PSD3: variants seen among roughly 807,000 people sequenced by gnomAD.
The protein encoded by PSD3 is pleckstrin and Sec7 domain containing 3.
PSD3 carries 49 observed loss-of-function variants against 105.5 expected under a neutral mutation model. The ratio of observed to expected loss-of-function variants is 0.46; its 90% CI spans 0.37 to 0.59. The LOEUF is 0.59. Among genes scored for constraint, PSD3 ranks in the 20% least tolerant of loss-of-function variants. The pLI is 0.00. For missense variants in PSD3, 1,561 were observed against 1,263.8 expected (o/e 1.24, Z -3.57); for synonymous variants, 557 against 457.8 (o/e 1.22, Z -2.77).
In PSD3 at chr8:19,025,261, T is replaced by C. The variant is rs1294218768; in HGVS notation, c.324+58945A>G. ...GGAACACCCATATTTGGTGTAAACA[T>C]GGGTGACACCACAGTTCTGAGAAAT... On this transcript the variant is annotated intron_variant, in intron 1 of 1. Coordinates refer to the PSD3 transcript ENST00000521475. 2.0e-5 allele frequency among the ~76,000 whole-genome samples: 3 copies of C among 152,312 alleles called. No homozygotes were observed. In the South Asian group the frequency reaches 6.2e-4, roughly 32 times the overall value.
chr8:18,692,564 G>C (rs1322690949), intron 9 of PSD3, among the ~76,000 whole-genome samples: 1 of 152,096 alleles, frequency 6.6e-6, no homozygotes, highest in Non-Finnish European at 1.5e-5. Context: ...ATAATGGAGC[G>C]GGAGCTGAGA....
At chr8:18,747,454 T>A (rs1279017229) in intron 9 of PSD3, among the ~76,000 whole-genome samples, 1 of 152,088 alleles carries the variant, frequency 6.6e-6, no homozygotes. Flanking sequence ...ATTCTCAAAG[T>A]CAGATGCATT....
intron 2 of PSD3, among the ~76,000 whole-genome samples, chr8:18,928,696 T>G (rs1821539830): frequency 2.0e-5 from 3 of 152,052 alleles, no homozygotes; most frequent in African/African-American, 7.2e-5. Context: ...TTTTTTCTTT[T>G]TATCTTTCTC....
intron 1 of PSD3, among the ~76,000 whole-genome samples, chr8:18,942,161 C>A (rs779516637): frequency 1.1e-4 from 16 of 152,138 alleles, no homozygotes; most frequent in Non-Finnish European, 1.8e-4. Context: ...CATGCTCCTT[C>A]ATTTCCTTAA....
intron 1 of PSD3, among the ~76,000 whole-genome samples, chr8:18,957,790 A>G (rs1466508063): frequency 6.6e-6 from 1 of 152,182 alleles, no homozygotes; most frequent in Non-Finnish European, 1.5e-5. Context: ...TGAGATCACC[A>G]AGTTAATAAT....
intron 9 of PSD3, chr8:18,720,888 AT>A (rs1297105584): frequency 1.3e-5 from 2 of 152,108 alleles, no homozygotes; most frequent in Non-Finnish European, 2.9e-5. Flanking sequence ...ATTTTTTCCT[AT>A]TTGATATCAC....
chr8:18,620,967 C>A (rs1806069566), intron 11 of PSD3, among the ~76,000 whole-genome samples: 1 of 152,206 alleles, frequency 6.6e-6, no homozygotes, highest in South Asian at 2.1e-4. Flanking sequence ...CAGAACGAGT[C>A]AGCAGTGAAA....
At chr8:18,910,491 G>A (rs1161817266) in intron 2 of PSD3, among the ~76,000 whole-genome samples, 1 of 97,938 alleles carries the variant, frequency 1.0e-5, no homozygotes, top group Non-Finnish European at 2.0e-5. Flanking sequence ...CTGTGGTGGG[G>A]TCGGGGGAGG....
intron 1 of PSD3, among the ~76,000 whole-genome samples, chr8:19,079,936 T>A (rs1369447900): frequency 6.8e-6 from 1 of 147,316 alleles, no homozygotes; most frequent in East Asian, 2.0e-4. Flanking sequence ...GTCATCCAGG[T>A]TGGAGTGCAG....
intron 10 of PSD3, 49 bp from the exon 11 acceptor site, chr8:18,632,855 TC>T (rs1187333220): frequency 7.2e-7 from 1 of 1,383,346 alleles, no homozygotes; most frequent in Non-Finnish European, 9.8e-7. Flanking sequence ...ATCATAATAT[TC>T]AAAGAAAAAG....
Position 18,907,487 on chromosome 8 carries a change from T to C in PSD3, c.130+28547A>G, listed in dbSNP as rs557661300. On this transcript the variant is annotated intron_variant, in intron 2 of 15. Coordinates refer to ENST00000327040, the MANE Select transcript of PSD3 (RefSeq NM_015310.4). The stretch of plus-strand genomic sequence containing the variant: ...ACTGCACCTGGCCTTTTATCTTTTC[T>C]ATTGCATTTTTATTGTACCTTTTAA... Among the ~76,000 whole-genome samples, 5 of 152,344 alleles carry C rather than the reference T, an allele frequency of 3.3e-5. 1 individual carries two copies. Among genetic ancestry groups the C allele is most frequent in the African/African-American group, 1.2e-4 (5 of 41,580 alleles).
At chr8:18,996,218 A>G (rs1826073125) in intron 1 of PSD3, among the ~76,000 whole-genome samples, 1 of 151,986 alleles carries the variant, frequency 6.6e-6, no homozygotes. Context: ...GACTGAATAA[A>G]TTCTTGGAAA....
chr8:18,613,939 T>C (rs1805464252), intron 11 of PSD3, among the ~76,000 whole-genome samples: 1 of 152,138 alleles, frequency 6.6e-6, no homozygotes, highest in South Asian at 2.1e-4. Flanking sequence ...CCCATGATAA[T>C]TCCTTCAAAA....
intron 1 of PSD3, among the ~76,000 whole-genome samples, chr8:18,968,035 T>C (rs1168397616): frequency 6.6e-6 from 1 of 151,362 alleles, no homozygotes; most frequent in African/African-American, 2.4e-5. Flanking sequence ...CTGAGCACTC[T>C]GACCACAGCA....
At chr8:19,080,299 C>A (rs10108523) in intron 1 of PSD3, among the ~76,000 whole-genome samples, 140,763 of 152,298 alleles carry the variant, frequency 0.92, 65,141 homozygotes, top group East Asian at 0.99. Flanking sequence ...TTCCTGGAGA[C>A]AATGAGAGAA....
rs181502943 is a variant in PSD3 at position 18,686,774 on chromosome 8, A to G, written c.2173-31089T>C. Reference sequence around the variant, plus strand: ...ACTTTAGCTTCCACTCAGCCCATGCATGGAAGGCAAGCTTGCCTCCTTTCT... The same window carrying G: ...ACTTTAGCTTCCACTCAGCCCATGCGTGGAAGGCAAGCTTGCCTCCTTTCT... On this transcript the variant is annotated intron_variant, in intron 9 of 15. Coordinates refer to ENST00000327040, the MANE Select transcript of PSD3 (RefSeq NM_015310.4). Among the ~76,000 whole-genome samples, 165 of 152,242 alleles carry G rather than the reference A, an allele frequency of 1.1e-3. 1 individual carries two copies. The highest frequency in any genetic ancestry group is 3.9e-3 in the African/African-American group (162 of 41,560).
At chr8:18,646,449 C>G (rs1258663662) in intron 10 of PSD3, among the ~76,000 whole-genome samples, 2 of 151,980 alleles carry the variant, frequency 1.3e-5, no homozygotes, top group Non-Finnish European at 2.9e-5. Flanking sequence ...AATTTTATGT[C>G]AAGGTAAAAA....
intron 12 of PSD3, among the ~76,000 whole-genome samples, chr8:18,578,070 T>C (rs2465885): frequency 0.01 from 1,555 of 152,254 alleles, 33 homozygotes; most frequent in African/African-American, 0.034. Context: ...GAGATGCTAT[T>C]CTACCATCTT....
chr8:18,716,197 T>G (rs1802582002), intron 9 of PSD3, among the ~76,000 whole-genome samples: 1 of 152,104 alleles, frequency 6.6e-6, no homozygotes, highest in South Asian at 2.1e-4. Context: ...AAAGAAAAAC[T>G]TCAAGGCTGA....
Sources: gnomAD v4.1 joint callset for allele counts (sites outside exome capture counted in the v4.1 genomes callset) on GRCh38, gnomAD v4.1.1 for gene constraint, MANE v1.5 for transcripts, NCBI Gene and HGNC (gene_info 2026-07-23, HGNC 2026-07-21) for gene names.